Variants in ARHGAP15 observed in about 807,000 individuals in gnomAD.
The protein encoded by ARHGAP15 is rho GTPase-activating protein 15.
ARHGAP15 carries 51 observed loss-of-function variants against 63.7 expected under a neutral mutation model. The ratio of observed to expected loss-of-function variants is 0.80; its 90% CI spans 0.64 to 1.01. The LOEUF is 1.01. Among genes scored for constraint, ARHGAP15 ranks in the 50% least tolerant of loss-of-function variants. ARHGAP15 has a pLI of 0.00. For synonymous variants in ARHGAP15, 191 were observed against 193.8 expected (o/e 0.99, Z 0.12); for missense variants, 560 against 564.6 (o/e 0.99, Z 0.08).
chr2:143,667,620 G>A (rs1559114774), intron 12 of ARHGAP15, among the ~76,000 whole-genome samples: 1 of 149,510 alleles, frequency 6.7e-6, no homozygotes, highest in Non-Finnish European at 1.5e-5. Flanking sequence ...AAGTGCTCAA[G>A]GGAAGTTTGT....
At chr2:143,426,572 T>C (rs1689146291) in intron 6 of ARHGAP15, among the ~76,000 whole-genome samples, 1 of 152,136 alleles carries the variant, frequency 6.6e-6, no homozygotes, top group South Asian at 2.1e-4. Flanking sequence ...AGCTCTGTCA[T>C]CACATAGAAA....
intron 9 of ARHGAP15, among the ~76,000 whole-genome samples, chr2:143,505,599 C>T (rs957901317): frequency 3.9e-5 from 6 of 152,234 alleles, no homozygotes; most frequent in Middle Eastern, 3.4e-3. Context: ...AATTTCTTTG[C>T]GTGGAATAAC....
intron 13 of ARHGAP15, among the ~76,000 whole-genome samples, chr2:143,749,121 C>G (rs570288079): frequency 6.6e-6 from 1 of 152,096 alleles, no homozygotes; most frequent in Non-Finnish European, 1.5e-5. Flanking sequence ...AGTCAGGGTG[C>G]TGTCAAAGAG....
At chr2:143,271,853 G>A (rs1681304188) in intron 6 of ARHGAP15, among the ~76,000 whole-genome samples, 1 of 152,180 alleles carries the variant, frequency 6.6e-6, no homozygotes, top group Admixed American at 6.5e-5. Flanking sequence ...AAGGAAAATC[G>A]ATGTGTCAAA....
At chr2:143,654,357 G>T (rs1221483207) in intron 12 of ARHGAP15, among the ~76,000 whole-genome samples, 1 of 152,022 alleles carries the variant, frequency 6.6e-6, no homozygotes, top group African/African-American at 2.4e-5. Flanking sequence ...CCTCAGTGAG[G>T]TCACTATAAC....
intron 6 of ARHGAP15, among the ~76,000 whole-genome samples, chr2:143,338,835 C>A (rs1236927524): frequency 1.3e-5 from 2 of 151,976 alleles, no homozygotes; most frequent in African/African-American, 4.8e-5. Flanking sequence ...GGTTGCTTAC[C>A]CTTTACAAGC....
chr2:143,455,138 C>G (rs1016739627), intron 8 of ARHGAP15, among the ~76,000 whole-genome samples: 1 of 152,036 alleles, frequency 6.6e-6, no homozygotes, highest in Non-Finnish European at 1.5e-5. Context: ...TAGAGCCGTT[C>G]TGAGGGCTGC....
chr2:143,517,244 G>A (rs894215465), intron 9 of ARHGAP15, among the ~76,000 whole-genome samples: 3 of 152,118 alleles, frequency 2.0e-5, no homozygotes, highest in African/African-American at 7.2e-5. Context: ...ACCATGCCCG[G>A]CCTGGAGTAT....
At chr2:143,422,339 T>A (rs1688958362) in intron 6 of ARHGAP15, among the ~76,000 whole-genome samples, 1 of 152,158 alleles carries the variant, frequency 6.6e-6, no homozygotes, top group African/African-American at 2.4e-5. Context: ...TTAGATATCA[T>A]TTATTCAGGG....
intron 6 of ARHGAP15, among the ~76,000 whole-genome samples, chr2:143,421,738 C>T (rs940797672): frequency 6.8e-6 from 1 of 148,032 alleles, no homozygotes; most frequent in African/African-American, 2.5e-5. Flanking sequence ...GATATATATA[C>T]ATATATAAAT....
chr2:143,380,065 A>G (rs992970673), intron 6 of ARHGAP15, among the ~76,000 whole-genome samples: 5 of 152,124 alleles, frequency 3.3e-5, no homozygotes, highest in Non-Finnish European at 7.4e-5. Flanking sequence ...GACTGTGGTT[A>G]TAGCCCTCAA....
chr2:143,240,041 G>A (rs1693807032), intron 5 of ARHGAP15, among the ~76,000 whole-genome samples: 1 of 143,020 alleles, frequency 7.0e-6, no homozygotes, highest in Non-Finnish European at 1.5e-5. Context: ...CACACATGGT[G>A]GTCATGCACC....
At chr2:143,216,982 G>C (rs1427400002) in intron 4 of ARHGAP15, among the ~76,000 whole-genome samples, 2 of 152,156 alleles carry the variant, frequency 1.3e-5, no homozygotes, top group Non-Finnish European at 2.9e-5. Context: ...GGACGGTAAA[G>C]AAAGATGATA....
intron 9 of ARHGAP15, among the ~76,000 whole-genome samples, chr2:143,499,961 A>G (rs1692980803): frequency 6.6e-6 from 1 of 152,124 alleles, no homozygotes; most frequent in Middle Eastern, 3.2e-3. Flanking sequence ...TAAATCAGCA[A>G]TACTTATATA....
At chr2:143,161,829 A>T (rs559474056) in intron 2 of ARHGAP15, among the ~76,000 whole-genome samples, 9 of 152,048 alleles carry the variant, frequency 5.9e-5, no homozygotes, top group African/African-American at 1.9e-4. Flanking sequence ...AGAGCTGAGG[A>T]TGATTTGGGA....
intron 6 of ARHGAP15, among the ~76,000 whole-genome samples, chr2:143,308,177 A>T (rs181746834): frequency 6.6e-5 from 10 of 152,296 alleles, no homozygotes; most frequent in Admixed American, 6.5e-4. Flanking sequence ...GAAATTAATC[A>T]TTACTTAATT....
intron 2 of ARHGAP15, among the ~76,000 whole-genome samples, chr2:143,182,682 T>G (rs917646772): frequency 6.6e-6 from 1 of 152,098 alleles, no homozygotes; most frequent in African/African-American, 2.4e-5. Context: ...GTAAGGCAAA[T>G]GTTTGAGGGT....
At chr2:143,282,182 C>T (rs1187643349) in intron 6 of ARHGAP15, among the ~76,000 whole-genome samples, 2 of 152,116 alleles carry the variant, frequency 1.3e-5, no homozygotes, top group East Asian at 3.9e-4. Context: ...AGACTTTAAT[C>T]TGCCCTCGTA....
intron 6 of ARHGAP15, among the ~76,000 whole-genome samples, chr2:143,354,481 G>T (rs908303006): frequency 6.6e-6 from 1 of 152,016 alleles, no homozygotes; most frequent in Non-Finnish European, 1.5e-5. Context: ...GAAACGGAAG[G>T]CACCAGTTTA....
Sources: allele counts gnomAD v4.1 joint callset (sites outside exome capture counted in the v4.1 genomes callset), GRCh38; gene constraint gnomAD v4.1.1; transcripts MANE v1.5; gene names NCBI Gene and HGNC (gene_info 2026-07-23, HGNC 2026-07-21).